NBAS: variants seen among roughly 807,000 people sequenced by gnomAD.
NBAS encodes NAG/BC035112 fusion.
Under a neutral mutation model 302.5 loss-of-function variants are expected in NBAS, and 219 were observed. The observed-to-expected ratio is 0.72, with a 90% confidence interval of 0.65 to 0.81. The LOEUF (loss-of-function observed/expected upper bound fraction) is 0.81, where lower values mean the gene tolerates loss of function less well. NBAS is among the 30% of genes least tolerant of loss of function. NBAS has a pLI of 0.00. For missense variants in NBAS, 2,932 were observed against 2,841.6 expected (o/e 1.03, Z -0.72); for synonymous variants, 1,118 against 1,021.6 (o/e 1.09, Z -1.80).
At chr2:15,108,739 G>T in the NBAS span, among the ~76,000 whole-genome samples, 5 of 152,084 alleles carry the variant, frequency 3.3e-5, no homozygotes, top group Admixed American at 2.0e-4. Context: ...CCTATAGTCT[G>T]TCAGCCTGAA....
intron 38 of NBAS, among the ~76,000 whole-genome samples, chr2:15,315,644 TC>T (rs1671474194): frequency 6.6e-6 from 1 of 152,020 alleles, no homozygotes; most frequent in South Asian, 2.1e-4. Flanking sequence ...ACTGGAAAAA[TC>T]CCAGGCATCA....
At chr2:15,513,261 C>G (rs976773220) in intron 9 of NBAS, among the ~76,000 whole-genome samples, 1 of 152,188 alleles carries the variant, frequency 6.6e-6, no homozygotes, top group African/African-American at 2.4e-5. Context: ...TGAGACGATG[C>G]CTTGAAGCAA....
At chr2:15,239,578 C>A (rs1464345273) in intron 44 of NBAS, among the ~76,000 whole-genome samples, 1 of 151,618 alleles carries the variant, frequency 6.6e-6, no homozygotes, top group Admixed American at 6.6e-5. Flanking sequence ...CATGTTGGCA[C>A]TAAAAAAGTT....
At chr2:14,833,337 G>A in the NBAS span, among the ~76,000 whole-genome samples, 11 of 152,166 alleles carry the variant, frequency 7.2e-5, no homozygotes, top group African/African-American at 2.6e-4. Flanking sequence ...GTTACATGAG[G>A]TTATTCTGAA....
Position 15,533,010 on chromosome 2 carries a change from GA to G in NBAS, c.746+1532del, listed in dbSNP as rs550676291. 1.1e-4 allele frequency among the ~76,000 whole-genome samples: 16 copies of G among 152,220 alleles called. No homozygotes were observed. The South Asian group carries it at 3.3e-3, about 32-fold the overall frequency. ...AAAACATGAATGGCCGATAACATAT[GA>G]AAAGCTACTCAGTTTCATCAGTAAC... On this transcript the variant is annotated intron_variant, in intron 9 of 51. Coordinates refer to ENST00000281513, the MANE Select transcript of NBAS (RefSeq NM_015909.4).
At chr2:15,328,001 T>C in intron 37 of NBAS, 131 bp from the exon 38 acceptor site, 3 of 1,359,692 alleles carry the variant, frequency 2.2e-6, no homozygotes, top group Non-Finnish European at 2.1e-6. Flanking sequence ...CTAAAGCATG[T>C]TATTTTATGA....
chr2:15,147,391 C>T, the NBAS span, among the ~76,000 whole-genome samples: 2 of 151,894 alleles, frequency 1.3e-5, no homozygotes, highest in Non-Finnish European at 1.5e-5. Flanking sequence ...ATCAGGAGTT[C>T]CAGACCAGCC....
intron 9 of NBAS, among the ~76,000 whole-genome samples, chr2:15,532,481 T>A (rs1487688106): frequency 3.6e-5 from 4 of 110,200 alleles, no homozygotes; most frequent in African/African-American, 7.6e-5. Context: ...AGAGTGAGAC[T>A]CCATCTCAAA....
intron 47 of NBAS, among the ~76,000 whole-genome samples, chr2:15,224,939 G>A (rs1017555266): frequency 3.3e-5 from 5 of 152,266 alleles, no homozygotes; most frequent in South Asian, 2.1e-4. Flanking sequence ...TGAAACAATC[G>A]GGGAACTGGC....
Position 15,353,443 on chromosome 2 carries a change from A to T in NBAS, c.4089+110T>A. On this transcript the variant is annotated intron_variant, in intron 34 of 51. Transcript: ENST00000281513. Reference sequence around the variant, plus strand: ...ATAAGTGACAATCTAGTTTTCTTCCATAAATTAAAATTCTCATACTACTTT... The same window carrying T: ...ATAAGTGACAATCTAGTTTTCTTCCTTAAATTAAAATTCTCATACTACTTT... The T allele has an allele frequency of 3.0e-6, 4 of 1,335,176 alleles. No homozygotes were observed. The South Asian group carries it at 4.8e-5, about 16-fold the overall frequency. The allele number at this position is 1,335,176 out of a possible 1,614,324, so 82.7% of individuals were successfully genotyped here. A position where few individuals can be genotyped will look rare whatever the true frequency, so the allele number is the denominator to read the frequency against.
At chr2:15,220,624 AAATG>A (rs1465690798) in intron 47 of NBAS, among the ~76,000 whole-genome samples, 1 of 152,194 alleles carries the variant, frequency 6.6e-6, no homozygotes, top group Non-Finnish European at 1.5e-5. Context: ...TTGTAACCCC[AAATG>A]AATATCTTAT....
At chr2:15,034,025 AAG>A in the NBAS span, among the ~76,000 whole-genome samples, 145 of 23,848 alleles carry the variant, frequency 6.1e-3, 1 homozygote, top group East Asian at 0.033. Context: ...GAAGAAGAAG[AAG>A]AGGAGGAGGA....
At chr2:14,889,558 A>G in the NBAS span, among the ~76,000 whole-genome samples, 1 of 152,204 alleles carries the variant, frequency 6.6e-6, no homozygotes, top group African/African-American at 2.4e-5. Flanking sequence ...CTAAAATCCA[A>G]AAAAGAGATC....
Position 15,308,283 on chromosome 2 carries a change from T to C in NBAS, c.4730A>G (p.Tyr1577Cys). Residue 1577 changes from tyrosine to cysteine, a missense_variant, in exon 40 of 52, where the codon TAC (tyrosine) becomes TGC (cysteine). Coordinates refer to ENST00000281513, the MANE Select transcript of NBAS (RefSeq NM_015909.4). The part of the protein sequence containing the change: ...SALSLQLAAY[Y>C]YSLQIYARLA... The stretch of plus-strand genomic sequence containing the variant: ...TCGGGCATAGATCTGGAGGCTATAG[T>C]AATACGCTGCCAGCTGGAGAGATAA... 1 of 1,614,192 alleles carries C rather than the reference T, an allele frequency of 6.2e-7. No homozygotes were observed. The highest frequency in any genetic ancestry group is 8.5e-7 in the Non-Finnish European group (1 of 1,180,024).
At chr2:14,849,794 G>A in the NBAS span, among the ~76,000 whole-genome samples, 1 of 141,984 alleles carries the variant, frequency 7.0e-6, no homozygotes, top group Non-Finnish European at 1.5e-5. Context: ...TTAAAGAAAA[G>A]AATTTTCAAC....
At chr2:14,801,800 T>C in the NBAS span, among the ~76,000 whole-genome samples, 198 of 152,326 alleles carry the variant, frequency 1.3e-3, no homozygotes, top group African/African-American at 3.5e-3. Context: ...TTAAAAACAA[T>C]TTGACTGCAT....
chr2:14,873,108 C>G, the NBAS span, among the ~76,000 whole-genome samples: 2 of 152,246 alleles, frequency 1.3e-5, no homozygotes. Flanking sequence ...CCACCCACAT[C>G]CTGCTGATTG....
At chr2:15,251,451 TATAATA>T (rs1397167990) in intron 44 of NBAS, among the ~76,000 whole-genome samples, 1 of 152,100 alleles carries the variant, frequency 6.6e-6, no homozygotes, top group East Asian at 1.9e-4. Context: ...GAACTTGAAG[TATAATA>T]ATAAAAAACA....
the NBAS span, among the ~76,000 whole-genome samples, chr2:14,846,060 T>C: frequency 0.21 from 32,260 of 152,078 alleles, 5,556 homozygotes; most frequent in African/African-American, 0.47. Context: ...AAGAAGGTTA[T>C]AGAATAAGTA....
Sources: allele counts gnomAD v4.1 joint callset (sites outside exome capture counted in the v4.1 genomes callset), GRCh38; gene constraint gnomAD v4.1.1; transcripts MANE v1.5; gene names NCBI Gene and HGNC (gene_info 2026-07-23, HGNC 2026-07-21).